Variants in SLC44A1 observed in about 807,000 individuals in gnomAD.
The protein encoded by SLC44A1 is solute carrier family 44 member 1.
SLC44A1 carries 26 observed loss-of-function variants against 79.3 expected under a neutral mutation model. That is an observed-to-expected ratio of 0.33 (90% CI 0.24 to 0.46). The LOEUF is 0.46. Ranked by LOEUF, SLC44A1 falls within the 20% of genes least tolerant of loss-of-function variation. The pLI is 1.00. For synonymous variants in SLC44A1, 263 were observed against 286.2 expected (o/e 0.92, Z 0.82); for missense variants, 688 against 798.1 (o/e 0.86, Z 1.66).
chr9:105,317,620 G>A (rs187831028), intron 3 of SLC44A1, among the ~76,000 whole-genome samples: 1 of 152,108 alleles, frequency 6.6e-6, no homozygotes, highest in Admixed American at 6.5e-5. Context: ...TACCAAGCTT[G>A]GTTCTCACTG....
intron 1 of SLC44A1, among the ~76,000 whole-genome samples, chr9:105,261,929 G>A (rs978419302): frequency 6.6e-5 from 10 of 151,944 alleles, no homozygotes; most frequent in East Asian, 1.9e-4. Flanking sequence ...ACAGGCGCCC[G>A]CCACCATGCC....
intron 15 of SLC44A1, among the ~76,000 whole-genome samples, chr9:105,427,857 T>G (rs903586795): frequency 6.6e-6 from 1 of 152,220 alleles, no homozygotes; most frequent in Non-Finnish European, 1.5e-5. Context: ...CTTATCACCC[T>G]TAATAATAAC....
At chr9:105,386,121 T>C in intron 15 of SLC44A1, 1 of 982,236 alleles carries the variant, frequency 1.0e-6, no homozygotes, top group South Asian at 4.7e-5. Context: ...AATTGTGAGA[T>C]GGATAAATTA....
At chr9:105,294,938 G>A (rs1830686492) in intron 1 of SLC44A1, 1 of 150,240 alleles carries the variant, frequency 6.7e-6, no homozygotes, top group Non-Finnish European at 1.5e-5. Flanking sequence ...CTGTTAACCT[G>A]TCTTTGAGTA....
At chr9:105,264,035 C>T (rs995198631) in intron 1 of SLC44A1, among the ~76,000 whole-genome samples, 1 of 152,180 alleles carries the variant, frequency 6.6e-6, no homozygotes, top group African/African-American at 2.4e-5. Context: ...TTGGACTCCA[C>T]TGTAGAAGAT....
rs1188496643 is a variant in SLC44A1, at chr9:105,390,682, A to G, written c.*1626A>G. The G allele has an allele frequency of 1.0e-6, 1 of 985,458 alleles. No individual in the cohort carries two copies. Among genetic ancestry groups the G allele is most frequent in the Non-Finnish European group, 1.2e-6 (1 of 829,758 alleles). The allele number at this position is 985,458 out of a possible 1,614,324, so 61.0% of individuals were successfully genotyped here. A position where few individuals can be genotyped will look rare whatever the true frequency, so the allele number is the denominator to read the frequency against. On this transcript the variant is annotated 3_prime_UTR_variant, in exon 16 of 16. Coordinates refer to ENST00000374720, the MANE Select transcript of SLC44A1 (RefSeq NM_080546.5). ...TTTAAGTATTGGTGTTCTTTACTCT[A>G]GCTAGGCTAAAATTTGCTAAATGCC...
chr9:105,345,667 A>G (rs1415489426), intron 4 of SLC44A1, among the ~76,000 whole-genome samples: 1 of 152,152 alleles, frequency 6.6e-6, no homozygotes, highest in African/African-American at 2.4e-5. Flanking sequence ...AAAGAATAAT[A>G]AATTAAGACT....
intron 2 of SLC44A1, 82 bp from the exon 3 acceptor site, chr9:105,309,642 A>C: frequency 7.7e-7 from 1 of 1,292,570 alleles, no homozygotes; most frequent in Non-Finnish European, 1.1e-6. Flanking sequence ...AGCAGACAAA[A>C]AGAAGCTCAT....
At chr9:105,253,299 A>G (rs1829630742) in intron 1 of SLC44A1, among the ~76,000 whole-genome samples, 1 of 152,242 alleles carries the variant, frequency 6.6e-6, no homozygotes, top group South Asian at 2.1e-4. Flanking sequence ...AATTGGAAAC[A>G]TGATTACTTC....
At chr9:105,424,500 G>A (rs113268830) in intron 15 of SLC44A1, among the ~76,000 whole-genome samples, 3,123 of 152,248 alleles carry the variant, frequency 0.021, 99 homozygotes, top group African/African-American at 0.07. Flanking sequence ...CCTCACTAAT[G>A]TTAGTAGTCA....
chr9:105,324,901 G>A (rs1458206712), intron 3 of SLC44A1, among the ~76,000 whole-genome samples: 2 of 152,182 alleles, frequency 1.3e-5, no homozygotes, highest in African/African-American at 2.4e-5. Flanking sequence ...CGTTGCTGCT[G>A]GGAATGTAAA....
chr9:105,298,275 C>T (rs1271913919), intron 1 of SLC44A1, among the ~76,000 whole-genome samples: 2 of 152,122 alleles, frequency 1.3e-5, no homozygotes, highest in Admixed American at 6.6e-5. Flanking sequence ...ACAGATCTGT[C>T]TATAGAAACT....
chr9:105,263,734 A>G (rs1189723462), intron 1 of SLC44A1, among the ~76,000 whole-genome samples: 1 of 151,868 alleles, frequency 6.6e-6, no homozygotes, highest in African/African-American at 2.4e-5. Context: ...ACAGGGTTTC[A>G]CTATGTTGGC....
At chr9:105,364,947 T>G (rs894048544) in intron 10 of SLC44A1, among the ~76,000 whole-genome samples, 2 of 152,234 alleles carry the variant, frequency 1.3e-5, no homozygotes, top group Admixed American at 1.3e-4. Flanking sequence ...CTCATAAAAT[T>G]TATTGCGATG....
intron 12 of SLC44A1, among the ~76,000 whole-genome samples, chr9:105,368,128 G>A (rs893181032): frequency 6.6e-5 from 10 of 151,686 alleles, no homozygotes; most frequent in Non-Finnish European, 1.5e-4. Context: ...GTTAACAAAT[G>A]GAAGGTTTTC....
chr9:105,323,998 GTTTTTGT>G (rs1327664696), intron 3 of SLC44A1, among the ~76,000 whole-genome samples: 1 of 141,826 alleles, frequency 7.1e-6, no homozygotes, highest in African/African-American at 3.1e-5. Context: ...AGTGCTTTTT[GTTTTTGT>G]TTTTGTTTTT....
chr9:105,332,601 G>T (rs1826786416), intron 3 of SLC44A1, among the ~76,000 whole-genome samples: 1 of 152,138 alleles, frequency 6.6e-6, no homozygotes, highest in Non-Finnish European at 1.5e-5. Flanking sequence ...TGTAGTCATG[G>T]TAGCATTCTT....
intron 13 of SLC44A1, among the ~76,000 whole-genome samples, chr9:105,380,141 G>A (rs1456371697): frequency 2.0e-5 from 3 of 152,124 alleles, no homozygotes; most frequent in Non-Finnish European, 4.4e-5. Flanking sequence ...GTATTGTTAT[G>A]TCTCTTTTAA....
Position 105,374,746 on chromosome 9 carries a change from G to A in SLC44A1, c.1632+11G>A, listed in dbSNP as rs1275230739. On this transcript the variant is annotated intron_variant, in intron 13 of 15. Transcript: ENST00000374720. ...TTATTCCTTGGCAAGGTAAAACCAA[G>A]TATTTTTTCTGCAACATACAGTAAA... 5.0e-6 allele frequency: 8 copies of A among 1,595,358 alleles called. No individual in the cohort carries two copies. Among genetic ancestry groups the A allele is most frequent in the Non-Finnish European group, 6.8e-6 (8 of 1,169,228 alleles).
Sources: allele counts gnomAD v4.1 joint callset (sites outside exome capture counted in the v4.1 genomes callset), GRCh38; gene constraint gnomAD v4.1.1; transcripts MANE v1.5; gene names NCBI Gene and HGNC (gene_info 2026-07-23, HGNC 2026-07-21).